CUEDC1: variants seen among roughly 807,000 people sequenced by gnomAD.
CUEDC1 encodes the protein CUE domain-containing protein 1.
A neutral mutation model predicts 43.7 loss-of-function variants in CUEDC1; 30 were observed. The observed-to-expected ratio is 0.69, with a 90% CI of 0.51 to 0.93. The LOEUF (loss-of-function observed/expected upper bound fraction) is 0.93. CUEDC1 is among the 40% of genes least tolerant of loss of function. CUEDC1 has a pLI of 0.00. For synonymous variants in CUEDC1, 223 were observed against 223.6 expected, an observed-to-expected ratio of 1.00 and a Z score of 0.02; for missense variants, 486 against 549.0, an observed-to-expected ratio of 0.89 and a Z score of 1.15.
At chr17:57,863,861 C>T (rs930336443) in intron 10 of CUEDC1, among the ~76,000 whole-genome samples, 5 of 151,532 alleles carry the variant, frequency 3.3e-5, no homozygotes, top group African/African-American at 4.9e-5. Flanking sequence ...ATTAGCCGGG[C>T]GGGGTGGCAC....
At chr17:57,919,155 A>G (rs1348299494) in intron 1 of CUEDC1, among the ~76,000 whole-genome samples, 1 of 151,684 alleles carries the variant, frequency 6.6e-6, no homozygotes, top group Non-Finnish European at 1.5e-5. Context: ...ACCCGGGAAT[A>G]TATGTCAATT....
intron 1 of CUEDC1, among the ~76,000 whole-genome samples, chr17:57,935,588 C>T (rs1414439350): frequency 6.6e-6 from 1 of 151,984 alleles, no homozygotes; most frequent in Non-Finnish European, 1.5e-5. Context: ...ATCCCCGCTG[C>T]CCTCCCTTTC....
intron 1 of CUEDC1, among the ~76,000 whole-genome samples, chr17:57,893,374 T>TGTGTGTGTGTGTGTGTGTGTGTGTGTGTG (rs397762963): frequency 3.4e-4 from 52 of 151,956 alleles, no homozygotes; most frequent in Non-Finnish European, 4.6e-4. Flanking sequence ...TGTGTGTGTG[T>TGTGTGTGTGTGTGTGTGTGTGTGTGTGTG]TTCAGGCAGC....
chr17:57,944,088 C>T (rs1289131189), intron 1 of CUEDC1, among the ~76,000 whole-genome samples: 1 of 152,048 alleles, frequency 6.6e-6, no homozygotes, highest in Non-Finnish European at 1.5e-5. Context: ...GATGATACTA[C>T]TGTCTCATCT....
rs1197766706 is a variant in CUEDC1 at position 57,885,452 on chromosome 17, G to C, written c.113C>G (p.Pro38Arg). The C allele has an allele frequency of 6.3e-7, 1 of 1,596,324 alleles. No homozygotes were observed. The highest frequency in any genetic ancestry group is 1.3e-5 in the African/African-American group (1 of 74,110). The change falls in exon 2 of 11, where the codon CCT becomes CGT. Residue 38 changes from proline to arginine, a missense_variant. By Grantham distance (103) the Pro-to-Arg change is moderately radical. Transcript: ENST00000577830. Reference protein sequence around the residue: ...AAPQELNNSRPARQVRRLEFN... With the variant: ...AAPQELNNSRRARQVRRLEFN... ...CTCCAGGCGGCGCACCTGGCGGGCA[G>C]GCCGGCTGTTGTTGAGCTCCTGGGG...
At chr17:57,928,070 G>T (rs1049534533) in intron 1 of CUEDC1, among the ~76,000 whole-genome samples, 3 of 152,240 alleles carry the variant, frequency 2.0e-5, no homozygotes, top group Non-Finnish European at 4.4e-5. Context: ...AACACGCCTT[G>T]TGAAGCTTAC....
rs1318172112 is a variant in CUEDC1 at position 57,868,147 on chromosome 17, T to G, written c.1034+3A>C. On this transcript the variant is annotated splice_donor_region_variant and intron_variant, in intron 8 of 10. Transcript: ENST00000577830. ...CCCACCAGTGCCAGGCTGGAAAGGA[T>G]ACGACTGATGCTTCAACAAGTGTTT... 1 of 1,612,958 alleles carries G rather than the reference T, an allele frequency of 6.2e-7. No homozygotes were observed. The highest frequency in any genetic ancestry group is 1.3e-5 in the African/African-American group (1 of 74,912).
At chr17:57,876,388 C>A (rs1163789363) in intron 3 of CUEDC1, among the ~76,000 whole-genome samples, 1 of 152,184 alleles carries the variant, frequency 6.6e-6, no homozygotes, top group Admixed American at 6.5e-5. Flanking sequence ...CACATTACTG[C>A]CAATGTGGCC....
chr17:57,868,885 C>G (rs1048476288), intron 7 of CUEDC1, among the ~76,000 whole-genome samples: 1 of 152,154 alleles, frequency 6.6e-6, no homozygotes, highest in African/African-American at 2.4e-5. Context: ...ATGTGTGGCA[C>G]GTTATTTTTC....
chr17:57,866,535 A>T lies in CUEDC1; in HGVS notation c.1103T>A (p.Phe368Tyr). ...DVEGHACDED[F>Y]RGRRQEAPKV... ...GGGTGCCTCCTGACGCCTGCCCCGG[A>T]AGTCTTCATCTGAAAAGGAGAGGGA... is the stretch of plus-strand genomic sequence containing the variant. The change falls in exon 10 of 11, where the codon TTC (phenylalanine) becomes TAC (tyrosine). Residue 368 changes from phenylalanine to tyrosine, a missense_variant. Phe to Tyr is a conservative substitution (Grantham distance 22). Coordinates refer to ENST00000577830, the MANE Select transcript of CUEDC1 (RefSeq NM_001271875.2). 6.2e-7 allele frequency: 1 copy of T among 1,614,042 alleles called. No individual in the cohort carries two copies. The highest frequency in any genetic ancestry group is 1.7e-5 in the Admixed American group (1 of 60,024).
chr17:57,935,731 C>T (rs910639692), intron 1 of CUEDC1, among the ~76,000 whole-genome samples: 2 of 152,066 alleles, frequency 1.3e-5, no homozygotes, highest in Non-Finnish European at 2.9e-5. Context: ...TCCACCTTGG[C>T]GGGCCAGGCC....
intron 1 of CUEDC1, among the ~76,000 whole-genome samples, chr17:57,931,283 AAAAG>A (rs933074043): frequency 1.3e-5 from 2 of 152,138 alleles, no homozygotes; most frequent in African/African-American, 2.4e-5. Context: ...TGTCTCAAAA[AAAAG>A]AAAGAAAGAA....
At chr17:57,886,219 A>G (rs897529295) in intron 1 of CUEDC1, among the ~76,000 whole-genome samples, 10 of 152,166 alleles carry the variant, frequency 6.6e-5, no homozygotes, top group African/African-American at 2.2e-4. Flanking sequence ...TTAGTGGAGG[A>G]GCCAGGATTT....
intron 1 of CUEDC1, among the ~76,000 whole-genome samples, chr17:57,891,653 G>A (rs138990189): frequency 2.4e-3 from 359 of 152,260 alleles, no homozygotes; most frequent in African/African-American, 7.2e-3. Context: ...AACTCTCTGT[G>A]GCCACCTGGA....
chr17:57,879,778 C>T (rs2144949706), intron 2 of CUEDC1, 40 bp from the exon 3 acceptor site: 1 of 1,575,062 alleles, frequency 6.3e-7, no homozygotes. Flanking sequence ...TTAATCATCC[C>T]TCCTTGAATT....
At chr17:57,903,309 C>T (rs1230834320) in intron 1 of CUEDC1, 1 of 152,226 alleles carries the variant, frequency 6.6e-6, no homozygotes, top group Non-Finnish European at 1.5e-5. Context: ...TCTGGGTTCT[C>T]CTCGAGTTGT....
At chr17:57,897,225 A>G (rs1020896829) in intron 1 of CUEDC1, among the ~76,000 whole-genome samples, 2 of 152,216 alleles carry the variant, frequency 1.3e-5, no homozygotes, top group African/African-American at 4.8e-5. Context: ...CAATGAATAC[A>G]TCCATTTCAC....
chr17:57,946,537 C>G (rs1028297356), intron 1 of CUEDC1, among the ~76,000 whole-genome samples: 4 of 151,958 alleles, frequency 2.6e-5, no homozygotes, highest in Non-Finnish European at 5.9e-5. Flanking sequence ...TATCAGTTCT[C>G]AAACTTTAAT....
chr17:57,938,908 T>C (rs1196925374), intron 1 of CUEDC1, among the ~76,000 whole-genome samples: 2 of 150,652 alleles, frequency 1.3e-5, no homozygotes, highest in Non-Finnish European at 3.0e-5. Context: ...GTGATCTGCC[T>C]GCCTCAGCCT....
Sources: allele counts gnomAD v4.1 joint callset (sites outside exome capture counted in the v4.1 genomes callset), GRCh38; gene constraint gnomAD v4.1.1; transcripts MANE v1.5; gene names NCBI Gene and HGNC (gene_info 2026-07-23, HGNC 2026-07-21).